The following GTF2IRD1 variants were observed in gnomAD, a reference collection of about 807,000 sequenced individuals.
GTF2IRD1 encodes the protein GTF2I repeat domain containing 1, also known as general transcription factor II-I repeat domain-containing protein 1.
In GTF2IRD1, 26 loss-of-function variants were observed where a neutral mutation model predicts 113.2. That is an observed-to-expected ratio of 0.23 (90% confidence interval 0.17 to 0.32). The LOEUF (loss-of-function observed/expected upper bound fraction) is 0.32. Among genes scored for constraint, GTF2IRD1 ranks in the 10% least tolerant of loss-of-function variants. The pLI is 1.00. For missense variants in GTF2IRD1, 864 were observed against 1,280.8 expected (o/e 0.67, Z 4.97); for synonymous variants, 484 against 529.1 (o/e 0.91, Z 1.17).
chr7:74,486,245 G>A (rs555783343), intron 1 of GTF2IRD1, among the ~76,000 whole-genome samples: 3 of 152,304 alleles, frequency 2.0e-5, no homozygotes, highest in African/African-American at 7.2e-5. Flanking sequence ...ATTTCTGTTA[G>A]GAATGTGTTT....
At chr7:74,504,350 G>C (rs1472880395) in intron 1 of GTF2IRD1, among the ~76,000 whole-genome samples, 1 of 152,234 alleles carries the variant, frequency 6.6e-6, no homozygotes, top group East Asian at 1.9e-4. Context: ...TGTTCCCATT[G>C]CTCCCTGCGT....
At chr7:74,587,774 G>A (rs1801801036) in intron 22 of GTF2IRD1, among the ~76,000 whole-genome samples, 1 of 152,058 alleles carries the variant, frequency 6.6e-6, no homozygotes, top group African/African-American at 2.4e-5. Context: ...CCCAGCTCAG[G>A]CCCCATCTCC....
intron 1 of GTF2IRD1, among the ~76,000 whole-genome samples, chr7:74,481,984 C>T (rs1794763993): frequency 6.6e-6 from 1 of 151,990 alleles, no homozygotes; most frequent in African/African-American, 2.4e-5. Context: ...GGGAAGAGCT[C>T]GACCACAGGT....
rs183185606 is a variant in GTF2IRD1 at position 74,465,918 on chromosome 7, C to T, written c.-7+11742C>T. Among the ~76,000 whole-genome samples the T allele has an allele frequency of 1.7e-4, 26 of 152,188 alleles. No individual in the cohort carries two copies. In the East Asian group the frequency reaches 4.3e-3, roughly 25 times the overall value. Reference sequence around the variant, plus strand: ...CCGAGTAGCTGGGATCACGGGCGCCCGCCACCATGCCTGGCTAATTTTTTG... The same window carrying T: ...CCGAGTAGCTGGGATCACGGGCGCCTGCCACCATGCCTGGCTAATTTTTTG... On this transcript the variant is annotated intron_variant, in intron 1 of 26. Coordinates refer to ENST00000424337, the MANE Select transcript of GTF2IRD1 (RefSeq NM_005685.4).
chr7:74,563,852 C>T (rs1462344508), intron 22 of GTF2IRD1, among the ~76,000 whole-genome samples: 2 of 151,704 alleles, frequency 1.3e-5, no homozygotes, highest in Non-Finnish European at 2.9e-5. Context: ...TGCAACTGCA[C>T]TCCAGCCTGG....
chr7:74,539,679 G>A (rs1211318366), intron 13 of GTF2IRD1, among the ~76,000 whole-genome samples, 200 bp from the exon 14 acceptor site: 1 of 152,174 alleles, frequency 6.6e-6, no homozygotes. Flanking sequence ...GGGAGGCGGA[G>A]GTTACAGTGA....
chr7:74,568,324 C>T lies in GTF2IRD1; in HGVS notation c.2320+8669C>T, dbSNP rs187920831. On this transcript the variant is annotated intron_variant, in intron 22 of 26. Transcript: ENST00000424337. ...GTTTGAGACCAGCCACATAACAAGA[C>T]TGCATCTCTATTTAAAAAAAAAAAA... 3.3e-4 allele frequency among the ~76,000 whole-genome samples: 36 copies of T among 107,528 alleles called. No individual in the cohort carries two copies. In the East Asian group the frequency reaches 8.9e-3, roughly 27 times the overall value. 70.5% of individuals were successfully genotyped at this position (107,528 alleles called of 152,430 possible).
chr7:74,530,514 T>G (rs1307692367), intron 9 of GTF2IRD1, among the ~76,000 whole-genome samples: 3 of 123,066 alleles, frequency 2.4e-5, no homozygotes, highest in African/African-American at 1.0e-4. Context: ...TTTTTTTTTT[T>G]GAATAGAGAT....
intron 15 of GTF2IRD1, 61 bp downstream of exon 15, chr7:74,544,863 C>A: frequency 7.5e-7 from 1 of 1,340,974 alleles, no homozygotes. Flanking sequence ...TCTTCCCCTG[C>A]CGCCCACCTC....
At chr7:74,488,561 C>T (rs1795148455) in intron 1 of GTF2IRD1, among the ~76,000 whole-genome samples, 2 of 151,562 alleles carry the variant, frequency 1.3e-5, no homozygotes, top group South Asian at 4.2e-4. Context: ...AGTTCAGAAC[C>T]AGCCTGGGCA....
intron 22 of GTF2IRD1, among the ~76,000 whole-genome samples, chr7:74,579,632 A>C (rs1276811205): frequency 2.6e-5 from 4 of 151,982 alleles, no homozygotes; most frequent in African/African-American, 4.8e-5. Context: ...AAAAAAAAAA[A>C]AAAACTACAG....
intron 1 of GTF2IRD1, among the ~76,000 whole-genome samples, chr7:74,480,506 AT>A (rs1794675974): frequency 6.6e-6 from 1 of 152,182 alleles, no homozygotes; most frequent in Non-Finnish European, 1.5e-5. Context: ...CAGCCCGGAG[AT>A]TAGTCTCCAA....
In GTF2IRD1 at chr7:74,508,116, C is replaced by G. The variant is rs1554341622; in HGVS notation, c.36C>G (p.Thr12=). The G allele has an allele frequency of 1.9e-6, 3 of 1,610,818 alleles. No homozygotes were observed. In the Admixed American group the frequency reaches 5.0e-5, roughly 27 times the overall value. The change falls in exon 2 of 27, where the codon ACC becomes ACG. Residue 12 remains threonine, a synonymous_variant. Transcript: ENST00000424337. ...ALLGKRCDVP[T]NGCGPDRWNS... ...TGGGTAAGCGCTGTGACGTCCCCAC[C>G]AACGGCTGCGGACCCGACCGCTGGA...
intron 2 of GTF2IRD1, among the ~76,000 whole-genome samples, chr7:74,510,745 T>C (rs1796580666): frequency 6.6e-6 from 1 of 152,058 alleles, no homozygotes; most frequent in Non-Finnish European, 1.5e-5. Context: ...GTTTTCATAG[T>C]CATAGAAAGT....
intron 3 of GTF2IRD1, among the ~76,000 whole-genome samples, chr7:74,515,009 C>T (rs1461003381): frequency 3.6e-5 from 5 of 138,912 alleles, no homozygotes; most frequent in African/African-American, 1.4e-4. Context: ...GTGAGCCAAG[C>T]TTGTGCCACT....
Position 74,602,589 on chromosome 7 carries a change from A to G in GTF2IRD1, c.*156A>G, listed in dbSNP as rs79465397. ...CAAGGCCTTTTTAAATAAGTAAAAA[A>G]AGAAAAAAAAAAAAAAGAGTGTTGC... is the stretch of plus-strand genomic sequence containing the variant. On this transcript the variant is annotated 3_prime_UTR_variant, in exon 27 of 27. Coordinates refer to ENST00000424337, the MANE Select transcript of GTF2IRD1 (RefSeq NM_005685.4). 2.4e-6 allele frequency: 1 copy of G among 418,118 alleles called. No homozygotes were observed. Among genetic ancestry groups the G allele is most frequent in the Admixed American group, 5.6e-5 (1 of 17,788 alleles). The allele number at this position is 418,118 out of a possible 1,614,324, so 25.9% of individuals were successfully genotyped here. A position where few individuals can be genotyped will look rare whatever the true frequency, so the allele number is the denominator to read the frequency against.
chr7:74,541,770 G>T (rs782178905), intron 14 of GTF2IRD1, among the ~76,000 whole-genome samples: 3 of 151,528 alleles, frequency 2.0e-5, no homozygotes, highest in African/African-American at 7.3e-5. Context: ...GCATGGTGGC[G>T]CATGCCTGTA....
chr7:74,523,848 G>A (rs1049126541), intron 7 of GTF2IRD1, among the ~76,000 whole-genome samples: 5 of 152,182 alleles, frequency 3.3e-5, no homozygotes, highest in African/African-American at 1.2e-4. Context: ...CACCACACCC[G>A]TGGGAGAGGC....
chr7:74,597,852 G>A (rs1171827996), intron 25 of GTF2IRD1, among the ~76,000 whole-genome samples: 1 of 152,152 alleles, frequency 6.6e-6, no homozygotes, highest in Non-Finnish European at 1.5e-5. Context: ...ACACGGCCCA[G>A]TATGGCTGCT....
Sources: allele counts gnomAD v4.1 joint callset (sites outside exome capture counted in the v4.1 genomes callset), GRCh38; gene constraint gnomAD v4.1.1; transcripts MANE v1.5; gene names NCBI Gene and HGNC (gene_info 2026-07-23, HGNC 2026-07-21).